The following DNAH3 variants were observed in gnomAD, a reference collection of about 807,000 sequenced individuals.
DNAH3 encodes axonemal beta dynein heavy chain 3.
In DNAH3, 332 loss-of-function variants were observed where a neutral mutation model predicts 432.5. The ratio of observed to expected loss-of-function variants is 0.77; its 90% CI spans 0.70 to 0.84. The LOEUF (loss-of-function observed/expected upper bound fraction) is 0.84. DNAH3 is among the 40% of genes least tolerant of loss of function. The pLI is 0.00. For synonymous variants in DNAH3, 1,956 were observed against 1,900.2 expected (o/e 1.03, Z -0.76); for missense variants, 4,861 against 5,114.0 (o/e 0.95, Z 1.51).
chr16:21,033,975 T>C (rs1211405206), exon 36 of DNAH3: 2 of 1,612,014 alleles, frequency 1.2e-6, no homozygotes, highest in African/African-American at 1.3e-5. Context: ...GAGCTTTACC[T>C]GCGTGTAAAT....
chr16:21,086,629 A>G (rs2091381151), intron 19 of DNAH3, among the ~76,000 whole-genome samples: 1 of 152,202 alleles, frequency 6.6e-6, no homozygotes, highest in Non-Finnish European at 1.5e-5. Flanking sequence ...ACCACGACCA[A>G]TGGGGGTTCC....
chr16:21,061,860 T>C (rs750092532), intron 25 of DNAH3, among the ~76,000 whole-genome samples: 1 of 152,228 alleles, frequency 6.6e-6, no homozygotes, highest in African/African-American at 2.4e-5. Flanking sequence ...CTGTAGCTAT[T>C]GACTTCAGGT....
chr16:20,996,335 T>C (rs1315545379), intron 44 of DNAH3, among the ~76,000 whole-genome samples: 1 of 152,236 alleles, frequency 6.6e-6, no homozygotes, highest in Non-Finnish European at 1.5e-5. Context: ...TCTGGAACTA[T>C]TGGTAGCTAT....
intron 16 of DNAH3, among the ~76,000 whole-genome samples, chr16:21,099,233 CATGGATGGATGGATGG>C (rs111518786): frequency 1.3e-5 from 2 of 149,694 alleles, no homozygotes; most frequent in Non-Finnish European, 3.0e-5. Flanking sequence ...AGACAATAGA[CATGGATGGATGGATGG>C]ATGGATGGAT....
chr16:21,152,827 C>T (rs1334173176), intron 1 of DNAH3, among the ~76,000 whole-genome samples: 2 of 152,270 alleles, frequency 1.3e-5, no homozygotes, highest in African/African-American at 2.4e-5. Context: ...CCTTAGCTGC[C>T]TTCCCGCGGG....
At chr16:21,136,464 G>A (rs1228789769) in exon 6 of DNAH3, 11 of 1,614,036 alleles carry the variant, frequency 6.8e-6, no homozygotes, top group Non-Finnish European at 9.3e-6. Flanking sequence ...ACCCTCCTCA[G>A]GGGCAATCAT....
chr16:21,118,263 G>A (rs2152809463), intron 11 of DNAH3, among the ~76,000 whole-genome samples: 1 of 152,176 alleles, frequency 6.6e-6, no homozygotes, highest in East Asian at 1.9e-4. Flanking sequence ...TTACAGGCAT[G>A]AGGCACCACA....
chr16:21,059,814 CA>C (rs894147364), intron 26 of DNAH3, among the ~76,000 whole-genome samples: 13 of 151,630 alleles, frequency 8.6e-5, no homozygotes, highest in Non-Finnish European at 1.9e-4. Flanking sequence ...TAGAGTCGCT[CA>C]ACGTGAATGT....
In DNAH3 at chr16:21,039,978, G is replaced by T. The variant is rs752309227; in HGVS notation, c.4639-35C>A. On this transcript the variant is annotated intron_variant, in intron 32 of 61. Coordinates refer to ENST00000261383, the Ensembl canonical transcript of DNAH3. ...AAACAACAAATCAGAATCGGAACAC[G>T]TGCAGTGAATACTGAGGGAACGCAC... 12 of 1,538,076 alleles carry T rather than the reference G, an allele frequency of 7.8e-6. No homozygotes were observed. In the East Asian group the frequency reaches 2.7e-4, roughly 35 times the overall value.
In DNAH3 at chr16:21,147,773, T is replaced by C. The variant is rs189531782; in HGVS notation, c.118-1685A>G. Among the ~76,000 whole-genome samples, 907 of 152,354 alleles carry C rather than the reference T, an allele frequency of 6.0e-3. 15 individuals are homozygous for C. The highest frequency in any genetic ancestry group is 3.4e-3 in the Non-Finnish European group (231 of 68,032). On this transcript the variant is annotated intron_variant, in intron 1 of 61. Transcript: ENST00000261383. Reference sequence around the variant, plus strand: ...ATTCCAAGTGACCCTCCACCTCTCCTGAGCAGAGAAGAAAGTGACTACATT... The same window carrying C: ...ATTCCAAGTGACCCTCCACCTCTCCCGAGCAGAGAAGAAAGTGACTACATT...
chr16:21,156,935 C>T (rs761608755), intron 1 of DNAH3, among the ~76,000 whole-genome samples: 6 of 43,046 alleles, frequency 1.4e-4, no homozygotes, highest in African/African-American at 2.4e-4. Context: ...GAAACCCTAA[C>T]TCAGCTTTCC....
chr16:20,993,849 AATTTATTT>A (rs2072813074), intron 44 of DNAH3, among the ~76,000 whole-genome samples: 1 of 152,178 alleles, frequency 6.6e-6, no homozygotes, highest in Non-Finnish European at 1.5e-5. Context: ...ACACCTGGCT[AATTTATTT>A]TTCTTGAAAG....
chr16:21,020,397 A>ATATT (rs1555530020), intron 40 of DNAH3, among the ~76,000 whole-genome samples: 27 of 34,590 alleles, frequency 7.8e-4, no homozygotes, highest in South Asian at 2.0e-3. Flanking sequence ...ATATATATAT[A>ATATT]TTTTTTTTTT....
chr16:21,046,801 C>T (rs1191026474), intron 31 of DNAH3, among the ~76,000 whole-genome samples: 1 of 152,132 alleles, frequency 6.6e-6, no homozygotes, highest in East Asian at 1.9e-4. Context: ...CATGATTTCG[C>T]AGCGGCTGGT....
At chr16:21,034,496 T>C (rs1281217366) in intron 35 of DNAH3, among the ~76,000 whole-genome samples, 2 of 152,210 alleles carry the variant, frequency 1.3e-5, no homozygotes, top group African/African-American at 4.8e-5. Flanking sequence ...GCCTCTAATA[T>C]TTTCATGACA....
intron 10 of DNAH3, 60 bp downstream of exon 11, chr16:21,121,885 A>G: frequency 6.8e-7 from 1 of 1,467,284 alleles, no homozygotes; most frequent in South Asian, 1.3e-5. Flanking sequence ...ACCTCTTTCA[A>G]TACATTTTAT....
intron 23 of DNAH3, among the ~76,000 whole-genome samples, chr16:21,068,630 A>G (rs955371152): frequency 6.6e-6 from 1 of 152,216 alleles, no homozygotes; most frequent in East Asian, 1.9e-4. Flanking sequence ...AGCAAATTCT[A>G]TGAAGACAGA....
chr16:21,034,998 T>C lies in DNAH3; in HGVS notation c.5086-913A>G, dbSNP rs555466313. Among the ~76,000 whole-genome samples, 3 of 152,208 alleles carry C rather than the reference T, an allele frequency of 2.0e-5. No homozygotes were observed. In the South Asian group the frequency reaches 6.2e-4, roughly 32 times the overall value. ...CCCTAACCATTAAGTAGGGTTGACA[T>C]TCAGGTGGTTTGAAAGCTTGACTGT... On this transcript the variant is annotated intron_variant, in intron 35 of 61. Transcript: ENST00000261383.
At chr16:20,993,104 G>A (rs1017628818) in intron 44 of DNAH3, among the ~76,000 whole-genome samples, 5 of 152,030 alleles carry the variant, frequency 3.3e-5, no homozygotes, top group African/African-American at 9.7e-5. Flanking sequence ...GGCCTCAAGC[G>A]ATCCACCCTC....
Sources: allele counts gnomAD v4.1 joint callset (sites outside exome capture counted in the v4.1 genomes callset), GRCh38; gene constraint gnomAD v4.1.1; transcripts MANE v1.5; gene names NCBI Gene and HGNC (gene_info 2026-07-23, HGNC 2026-07-21).